The following PHACTR1 variants were observed in gnomAD, a reference collection of about 807,000 sequenced individuals.
PHACTR1 encodes RPEL repeat containing 1.
PHACTR1 carries 16 observed loss-of-function variants against 69.2 expected under a neutral mutation model. The observed-to-expected ratio is 0.23, with a 90% CI of 0.16 to 0.35. The LOEUF (loss-of-function observed/expected upper bound fraction) is 0.35, where lower values mean the gene tolerates loss of function less well. PHACTR1 is among the 10% of genes least tolerant of loss of function. PHACTR1 has a pLI of 1.00. For missense variants in PHACTR1, 510 were observed against 734.7 expected (o/e 0.69, Z 3.54); for synonymous variants, 312 against 284.5 (o/e 1.10, Z -0.97).
In PHACTR1 at chr6:12,944,784, TTTA is replaced by T. The variant is rs1313303193; in HGVS notation, c.251-108578_251-108576del. Among the ~76,000 whole-genome samples the T allele has an allele frequency of 1.1e-4, 12 of 114,196 alleles. No homozygotes were observed. In the East Asian group the frequency reaches 2.5e-3, roughly 24 times the overall value. 74.9% of individuals were successfully genotyped at this position (114,196 alleles called of 152,430 possible). On this transcript the variant is annotated intron_variant, in intron 4 of 14. Coordinates refer to ENST00000332995, the MANE Select transcript of PHACTR1 (RefSeq NM_030948.6). ...TTATTTATTTATTTATTTATTTTTA[TTTA>T]TTTTTTTTTTTTTGAGACGGAGTCT...
intron 4 of PHACTR1, among the ~76,000 whole-genome samples, chr6:12,871,845 C>T (rs1298490815): frequency 6.6e-6 from 1 of 152,058 alleles, no homozygotes; most frequent in African/African-American, 2.4e-5. Context: ...TCTCCCATTT[C>T]CTCTGCATTG....
intron 5 of PHACTR1, among the ~76,000 whole-genome samples, chr6:13,156,064 G>A (rs781456593): frequency 2.3e-4 from 35 of 152,142 alleles, no homozygotes; most frequent in African/African-American, 6.0e-4. Flanking sequence ...ATGATGTTGC[G>A]TCATGGAGAA....
At position 13,269,807 on chromosome 6, in the gene PHACTR1, C is replaced by G. The variant is rs151104365; in HGVS notation, c.1392-3053C>G. 2.4e-4 allele frequency among the ~76,000 whole-genome samples: 37 copies of G among 152,162 alleles called. No homozygotes were observed. The East Asian group carries it at 6.6e-3, about 27-fold the overall frequency. ...TGAGATCGCACCACTGCACTCCAGCCTGGGCAAAAAAAGCTAAACTCTGTC... is the reference window on the plus strand; with the variant it reads ...TGAGATCGCACCACTGCACTCCAGCGTGGGCAAAAAAAGCTAAACTCTGTC... On this transcript the variant is annotated intron_variant, in intron 10 of 14. Coordinates refer to ENST00000332995, the MANE Select transcript of PHACTR1 (RefSeq NM_030948.6).
At chr6:13,200,284 C>A (rs1561983249) in intron 7 of PHACTR1, among the ~76,000 whole-genome samples, 1 of 152,090 alleles carries the variant, frequency 6.6e-6, no homozygotes, top group Admixed American at 6.5e-5. Context: ...AATCTCGGCT[C>A]ACTGCAACCT....
chr6:12,877,982 C>T lies in PHACTR1; in HGVS notation c.250+128192C>T, dbSNP rs113733979. The stretch of plus-strand genomic sequence containing the variant: ...TGGGGAAGATCAAATGATACACTCA[C>T]TTAAAAGCTCAGAAAGGCTCCAATA... On this transcript the variant is annotated intron_variant, in intron 4 of 14. Coordinates refer to ENST00000332995, the MANE Select transcript of PHACTR1 (RefSeq NM_030948.6). 2.9e-3 allele frequency among the ~76,000 whole-genome samples: 443 copies of T among 152,306 alleles called. 1 individual carries two copies. The highest frequency in any genetic ancestry group is 0.01 in the African/African-American group (421 of 41,564).
At chr6:13,243,016 G>A (rs1049751241) in intron 10 of PHACTR1, among the ~76,000 whole-genome samples, 1 of 152,232 alleles carries the variant, frequency 6.6e-6, no homozygotes, top group African/African-American at 2.4e-5. Context: ...CAAGTTCCAT[G>A]AAGAAGGCGC....
intron 4 of PHACTR1, among the ~76,000 whole-genome samples, chr6:12,927,273 G>A (rs935298485): frequency 1.3e-5 from 2 of 152,302 alleles, no homozygotes; most frequent in Non-Finnish European, 2.9e-5. Context: ...CTTTAGTTTA[G>A]TGCTCCCTGA....
At chr6:13,061,293 G>A (rs1807645619) in intron 5 of PHACTR1, among the ~76,000 whole-genome samples, 2 of 152,138 alleles carry the variant, frequency 1.3e-5, no homozygotes, top group African/African-American at 4.8e-5. Context: ...ACATTCATGG[G>A]AACCAAGGAT....
At chr6:12,815,834 G>T (rs184546673) in intron 4 of PHACTR1, among the ~76,000 whole-genome samples, 2 of 152,162 alleles carry the variant, frequency 1.3e-5, no homozygotes, top group Admixed American at 6.5e-5. Flanking sequence ...GAAACTGAAG[G>T]TTTTCATGAA....
chr6:12,922,036 A>G (rs947917530), intron 4 of PHACTR1, among the ~76,000 whole-genome samples: 7 of 152,216 alleles, frequency 4.6e-5, no homozygotes, highest in African/African-American at 1.4e-4. Context: ...AACAAGTATC[A>G]AAAGGAGATG....
intron 4 of PHACTR1, among the ~76,000 whole-genome samples, chr6:12,984,017 G>T (rs972840239): frequency 1.3e-5 from 2 of 152,212 alleles, no homozygotes; most frequent in African/African-American, 4.8e-5. Flanking sequence ...ACATGTGCAT[G>T]TGTCTTTATA....
At chr6:12,791,736 C>T (rs1277647153) in intron 4 of PHACTR1, among the ~76,000 whole-genome samples, 1 of 152,160 alleles carries the variant, frequency 6.6e-6, no homozygotes, top group Non-Finnish European at 1.5e-5. Flanking sequence ...CACAGTTCCA[C>T]CACAAAATAA....
chr6:12,746,954 C>T (rs985649788), intron 3 of PHACTR1, among the ~76,000 whole-genome samples: 4 of 152,210 alleles, frequency 2.6e-5, no homozygotes, highest in African/African-American at 7.2e-5. Flanking sequence ...TTACATTTTG[C>T]ACTTCCTTAA....
At chr6:13,048,012 A>C (rs1187928827) in intron 4 of PHACTR1, among the ~76,000 whole-genome samples, 1 of 152,120 alleles carries the variant, frequency 6.6e-6, no homozygotes, top group African/African-American at 2.4e-5. Flanking sequence ...AAAATCATGC[A>C]TACATCAAAT....
chr6:12,773,634 G>C (rs1237835807), intron 4 of PHACTR1, among the ~76,000 whole-genome samples: 1 of 152,044 alleles, frequency 6.6e-6, no homozygotes, highest in Non-Finnish European at 1.5e-5. Context: ...TAAAACCTAA[G>C]ATTTCAAAGA....
At chr6:13,009,200 T>A (rs959175893) in intron 4 of PHACTR1, among the ~76,000 whole-genome samples, 2 of 152,144 alleles carry the variant, frequency 1.3e-5, no homozygotes, top group African/African-American at 4.8e-5. Flanking sequence ...CATCTCAAGA[T>A]CCTTAACTTA....
intron 4 of PHACTR1, among the ~76,000 whole-genome samples, chr6:12,750,990 G>C (rs1766545417): frequency 6.6e-6 from 1 of 152,128 alleles, no homozygotes; most frequent in African/African-American, 2.4e-5. Flanking sequence ...GTGTGTGTGT[G>C]TGTGCGCGTG....
At chr6:13,038,812 A>G (rs1803742759) in intron 4 of PHACTR1, among the ~76,000 whole-genome samples, 1 of 152,196 alleles carries the variant, frequency 6.6e-6, no homozygotes, top group Non-Finnish European at 1.5e-5. Flanking sequence ...GAAAGTTCTT[A>G]AAGACCAAGA....
At chr6:12,773,356 A>T (rs1192695027) in intron 4 of PHACTR1, among the ~76,000 whole-genome samples, 1 of 152,196 alleles carries the variant, frequency 6.6e-6, no homozygotes, top group Non-Finnish European at 1.5e-5. Flanking sequence ...TCAACTCAAT[A>T]TTTTAACAAT....
Sources: allele counts gnomAD v4.1 joint callset (sites outside exome capture counted in the v4.1 genomes callset), GRCh38; gene constraint gnomAD v4.1.1; transcripts MANE v1.5; gene names NCBI Gene and HGNC (gene_info 2026-07-23, HGNC 2026-07-21).